Variants in GPC5 observed in about 807,000 individuals in gnomAD.
The protein encoded by GPC5 is glypican 5.
In GPC5, 47 loss-of-function variants were observed where a neutral mutation model predicts 53.9. The ratio of observed to expected loss-of-function variants is 0.87; its 90% CI spans 0.69 to 1.11. The LOEUF (loss-of-function observed/expected upper bound fraction) is 1.11. GPC5 is among the 50% of genes most tolerant of loss of function. The pLI, the probability that GPC5 is intolerant of heterozygous loss-of-function variation, is 0.00. For synonymous variants in GPC5, 286 were observed against 263.3 expected (o/e 1.09, Z -0.84); for missense variants, 748 against 713.1 (o/e 1.05, Z -0.56).
chr13:91,634,063 G>C (rs944494812), intron 2 of GPC5, among the ~76,000 whole-genome samples: 7 of 152,212 alleles, frequency 4.6e-5, no homozygotes, highest in African/African-American at 1.4e-4. Flanking sequence ...TTGGTGTCAA[G>C]CTTGCGTAGG....
At chr13:91,798,685 C>T (rs1327719354) in intron 5 of GPC5, among the ~76,000 whole-genome samples, 1 of 152,060 alleles carries the variant, frequency 6.6e-6, no homozygotes, top group Non-Finnish European at 1.5e-5. Context: ...ATTTATATTC[C>T]TTTACGTATA....
At chr13:92,851,180 GA>G (rs1393202209) in intron 7 of GPC5, among the ~76,000 whole-genome samples, 1 of 151,762 alleles carries the variant, frequency 6.6e-6, no homozygotes, top group Admixed American at 6.6e-5. Context: ...TACCAAGGGG[GA>G]AATCTGCCCC....
intron 5 of GPC5, among the ~76,000 whole-genome samples, chr13:91,842,968 G>C (rs1302717423): frequency 6.6e-6 from 1 of 152,054 alleles, no homozygotes; most frequent in African/African-American, 2.4e-5. Context: ...CGAGTCATGT[G>C]ATTTTAATTG....
At chr13:91,710,551 A>G (rs1376490607) in intron 3 of GPC5, among the ~76,000 whole-genome samples, 2 of 152,234 alleles carry the variant, frequency 1.3e-5, no homozygotes, top group African/African-American at 4.8e-5. Flanking sequence ...TATATAATCT[A>G]TTCTAAATAG....
chr13:91,731,670 C>T (rs2036701361), intron 4 of GPC5, among the ~76,000 whole-genome samples: 1 of 152,086 alleles, frequency 6.6e-6, no homozygotes, highest in Non-Finnish European at 1.5e-5. Context: ...TGTCCTCATG[C>T]TCTCCCTCTC....
intron 7 of GPC5, among the ~76,000 whole-genome samples, chr13:92,664,290 A>T (rs926837541): frequency 3.3e-5 from 5 of 151,514 alleles, no homozygotes; most frequent in African/African-American, 1.2e-4. Context: ...GTAGTTGGTG[A>T]TTGATTGGGT....
intron 7 of GPC5, among the ~76,000 whole-genome samples, chr13:92,839,716 G>GA (rs895588113): frequency 1.4e-4 from 21 of 148,792 alleles, no homozygotes; most frequent in East Asian, 2.0e-4. Flanking sequence ...TGGTTTTTTG[G>GA]AAAAAAAAAT....
chr13:91,642,489 G>A (rs2034453330), intron 2 of GPC5, among the ~76,000 whole-genome samples: 1 of 152,146 alleles, frequency 6.6e-6, no homozygotes, highest in Admixed American at 6.5e-5. Flanking sequence ...TGTTGTCACA[G>A]AAGCCAGGGG....
intron 2 of GPC5, among the ~76,000 whole-genome samples, chr13:91,566,845 T>A (rs756227792): frequency 1.3e-5 from 2 of 152,102 alleles, no homozygotes; most frequent in Admixed American, 6.6e-5. Flanking sequence ...GAAAACTGAT[T>A]AGTCAACCAA....
chr13:91,760,885 C>T lies in GPC5; in HGVS notation c.1280+4465C>T, dbSNP rs117105692. Among the ~76,000 whole-genome samples, 2,444 of 152,222 alleles carry T rather than the reference C, an allele frequency of 0.016. 143 individuals carry two copies. The East Asian group carries it at 0.21, about 13-fold the overall frequency. On this transcript the variant is annotated intron_variant, in intron 5 of 7. Coordinates refer to ENST00000377067, the MANE Select transcript of GPC5 (RefSeq NM_004466.6). The stretch of plus-strand genomic sequence containing the variant: ...AAAATCTATTTAACTCAAATGATTT[C>T]GAAGACTGTATTCATATCATATACT...
chr13:91,657,547 C>A (rs899641047), intron 2 of GPC5, among the ~76,000 whole-genome samples: 3 of 151,838 alleles, frequency 2.0e-5, no homozygotes, highest in Non-Finnish European at 4.4e-5. Context: ...ACACGACAGC[C>A]CTCACAACAA....
intron 6 of GPC5, among the ~76,000 whole-genome samples, chr13:91,966,777 T>G (rs1021181735): frequency 2.0e-5 from 3 of 152,184 alleles, no homozygotes; most frequent in Non-Finnish European, 4.4e-5. Context: ...ACTTAAAAAC[T>G]GACACTGATA....
chr13:91,815,587 A>T (rs573211108), intron 5 of GPC5, among the ~76,000 whole-genome samples: 1 of 152,118 alleles, frequency 6.6e-6, no homozygotes, highest in South Asian at 2.1e-4. Context: ...TCTGGACATT[A>T]TGATTCCTTA....
chr13:91,480,738 G>A (rs959202912), intron 2 of GPC5, among the ~76,000 whole-genome samples: 1 of 152,094 alleles, frequency 6.6e-6, no homozygotes, highest in Non-Finnish European at 1.5e-5. Context: ...CCTATGGAGC[G>A]CTGCACTAGT....
chr13:92,131,859 A>G (rs1366681644), intron 6 of GPC5, among the ~76,000 whole-genome samples: 2 of 152,078 alleles, frequency 1.3e-5, no homozygotes, highest in Non-Finnish European at 2.9e-5. Context: ...ATTTAAAAGA[A>G]GAAAAATAAG....
chr13:91,606,599 T>C (rs1422046578), intron 2 of GPC5, among the ~76,000 whole-genome samples: 1 of 149,478 alleles, frequency 6.7e-6, no homozygotes, highest in African/African-American at 2.5e-5. Context: ...CTCTTTTTGA[T>C]TGGTAAGCTA....
At chr13:92,836,231 A>G (rs907710420) in intron 7 of GPC5, among the ~76,000 whole-genome samples, 1 of 152,002 alleles carries the variant, frequency 6.6e-6, no homozygotes, top group Non-Finnish European at 1.5e-5. Flanking sequence ...TTGTCCTCTT[A>G]TCACTAGACT....
rs141601617 is a variant in GPC5 at position 92,651,587 on chromosome 13, T to C, written c.1562-214695T>C. On this transcript the variant is annotated intron_variant, in intron 7 of 7. Transcript: ENST00000377067. ...AACCAAATGGAATATATGATTGTGG[T>C]TGGGATCCTGGAACAGAAAGAGGAT... Among the ~76,000 whole-genome samples, 1,358 of 152,196 alleles carry C rather than the reference T, an allele frequency of 8.9e-3. 20 individuals are homozygous for C. Among genetic ancestry groups the C allele is most frequent in the South Asian group, 0.057 (277 of 4,820 alleles).
intron 7 of GPC5, among the ~76,000 whole-genome samples, chr13:92,646,270 G>A (rs12867481): frequency 0.25 from 38,058 of 151,966 alleles, 5,259 homozygotes; most frequent in South Asian, 0.39. Flanking sequence ...AGCATCGTTT[G>A]TAAAAAAGTC....
Sources: gnomAD v4.1 joint callset for allele counts (sites outside exome capture counted in the v4.1 genomes callset) on GRCh38, gnomAD v4.1.1 for gene constraint, MANE v1.5 for transcripts, NCBI Gene and HGNC (gene_info 2026-07-23, HGNC 2026-07-21) for gene names.